CNOT4: variants seen among roughly 807,000 people sequenced by gnomAD.
CNOT4 encodes CCR4-associated factor 4.
In CNOT4, 8 loss-of-function variants were observed where a neutral mutation model predicts 73.8. The observed-to-expected ratio is 0.11, with a 90% CI of 0.06 to 0.20. The LOEUF is 0.20. Among genes scored for constraint, CNOT4 ranks in the 10% least tolerant of loss-of-function variants. The pLI, the probability that CNOT4 is intolerant of heterozygous loss-of-function variation, is 1.00. For missense variants in CNOT4, 564 were observed against 883.4 expected, an observed-to-expected ratio of 0.64 and a Z score of 4.58; for synonymous variants, 293 against 321.1, an observed-to-expected ratio of 0.91 and a Z score of 0.94.
Position 135,388,395 on chromosome 7 carries a change from C to T in CNOT4, c.1627+5523G>A, listed in dbSNP as rs145314263. 6.5e-5 allele frequency: 64 copies of T among 983,766 alleles called. No individual in the cohort carries two copies. In the East Asian group the frequency reaches 6.2e-3, roughly 96 times the overall value. 60.9% of individuals were successfully genotyped at this position (983,766 alleles called of 1,614,324 possible). ...CAATAGACATTATCTTGTTAATTTG[C>T]AAATTTTTCAGGAGATTAGGATATT... On this transcript the variant is annotated intron_variant, in intron 10 of 11. Transcript: ENST00000541284.
chr7:135,417,852 T>A (rs1180982910), intron 3 of CNOT4, among the ~76,000 whole-genome samples: 1 of 152,218 alleles, frequency 6.6e-6, no homozygotes, highest in African/African-American at 2.4e-5. Flanking sequence ...CAGAAGCATT[T>A]GTATAGTTGC....
intron 1 of CNOT4, among the ~76,000 whole-genome samples, chr7:135,486,726 C>A (rs1002942024): frequency 9.9e-5 from 15 of 152,078 alleles, no homozygotes; most frequent in Admixed American, 6.6e-5. Context: ...TAAAAAGGAA[C>A]AAAGAGTTAA....
At chr7:135,402,772 TG>T (rs1439313137) in intron 7 of CNOT4, among the ~76,000 whole-genome samples, 3 of 152,230 alleles carry the variant, frequency 2.0e-5, no homozygotes. Context: ...CTGACACAGC[TG>T]GGTCTCAGTT....
At chr7:135,401,286 T>G (rs1334736901) in intron 7 of CNOT4, among the ~76,000 whole-genome samples, 1 of 152,188 alleles carries the variant, frequency 6.6e-6, no homozygotes, top group East Asian at 1.9e-4. Context: ...ACCCATTATA[T>G]GCCAAGAGGG....
At chr7:135,412,286 C>T (rs1049072707) in intron 6 of CNOT4, among the ~76,000 whole-genome samples, 1 of 151,728 alleles carries the variant, frequency 6.6e-6, no homozygotes, top group Non-Finnish European at 1.5e-5. Context: ...CAAAGGACAG[C>T]CCATACATTT....
intron 10 of CNOT4, among the ~76,000 whole-genome samples, chr7:135,380,977 A>C (rs2129482905): frequency 6.6e-6 from 1 of 152,256 alleles, no homozygotes; most frequent in East Asian, 1.9e-4. Flanking sequence ...TAGCAGTGGG[A>C]CTGGAATTTG....
intron 10 of CNOT4, among the ~76,000 whole-genome samples, chr7:135,393,587 G>A (rs537919063): frequency 2.0e-5 from 3 of 151,848 alleles, no homozygotes; most frequent in South Asian, 4.2e-4. Context: ...TTTTCACCAC[G>A]GTGTTGGACT....
At chr7:135,497,471 T>C (rs1372525968) in intron 1 of CNOT4, among the ~76,000 whole-genome samples, 3 of 152,150 alleles carry the variant, frequency 2.0e-5, no homozygotes, top group Non-Finnish European at 2.9e-5. Context: ...TAAGTATTTA[T>C]TGAGCATCTA....
At position 135,371,941 on chromosome 7, in the gene CNOT4, A is replaced by G. The variant is rs3812272; in HGVS notation, c.1628-7875T>C. 2.2e-3 allele frequency among the ~76,000 whole-genome samples: 339 copies of G among 152,298 alleles called. 12 individuals are homozygous for G. The East Asian group carries it at 0.054, about 24-fold the overall frequency. ...GCAGCAGCCTGGAGGGAAGCATTTAAGTGAGCACAAAACTGAGCAGTGACC... is the reference window on the plus strand; with the variant it reads ...GCAGCAGCCTGGAGGGAAGCATTTAGGTGAGCACAAAACTGAGCAGTGACC... On this transcript the variant is annotated intron_variant, in intron 10 of 11. Coordinates refer to ENST00000541284, the MANE Select transcript of CNOT4 (RefSeq NM_001190850.2).
chr7:135,375,738 CATAGAGAA>C (rs2129482724), intron 10 of CNOT4, among the ~76,000 whole-genome samples: 1 of 152,228 alleles, frequency 6.6e-6, no homozygotes, highest in African/African-American at 2.4e-5. Context: ...GCCTGGCCAA[CATAGAGAA>C]ACCCCGTCTC....
In CNOT4 at chr7:135,394,076, C is replaced by T. The variant is rs1796545780; in HGVS notation, c.1469G>A (p.Ser490Asn). ...QQHRAVYNSF[S>N]FPGQAARYPW... ...ATAGCGGGCTGCCTGGCCTGGAAAA[C>T]TGAATGAATTATAAACCGCTCGGTG... is the stretch of plus-strand genomic sequence containing the variant. The change falls in exon 10 of 12, where the codon AGT becomes AAT. Residue 490 changes from serine (S) to asparagine (N), a missense_variant. Ser to Asn is a conservative substitution (Grantham distance 46). Transcript: ENST00000541284. 2.5e-6 allele frequency: 4 copies of T among 1,614,160 alleles called. No individual in the cohort carries two copies. The highest frequency in any genetic ancestry group is 8.5e-7 in the Non-Finnish European group (1 of 1,180,022).
At chr7:135,475,270 A>G (rs1417576838) in intron 1 of CNOT4, among the ~76,000 whole-genome samples, 1 of 152,238 alleles carries the variant, frequency 6.6e-6, no homozygotes, top group Non-Finnish European at 1.5e-5. Flanking sequence ...GAAGAAACAT[A>G]TAAAACACAA....
intron 7 of CNOT4, among the ~76,000 whole-genome samples, chr7:135,405,182 G>A (rs1031493055): frequency 3.3e-5 from 5 of 152,086 alleles, no homozygotes; most frequent in East Asian, 1.9e-4. Flanking sequence ...TTTTTTACCC[G>A]TAGTAAGAAA....
At chr7:135,482,908 C>T (rs1802474093) in intron 1 of CNOT4, among the ~76,000 whole-genome samples, 1 of 149,002 alleles carries the variant, frequency 6.7e-6, no homozygotes, top group Non-Finnish European at 1.5e-5. Context: ...ATCTCCTGAG[C>T]CTGGGAAGTG....
intron 1 of CNOT4, among the ~76,000 whole-genome samples, chr7:135,482,986 CAAAAAAAAA>C (rs36125617): frequency 2.3e-5 from 1 of 43,502 alleles, no homozygotes; most frequent in African/African-American, 9.8e-5. Context: ...GACTCCATAT[CAAAAAAAAA>C]AAAAAAAAAA....
At chr7:135,395,460 T>C (rs1796626306) in intron 9 of CNOT4, among the ~76,000 whole-genome samples, 174 bp downstream of exon 9, 1 of 152,218 alleles carries the variant, frequency 6.6e-6, no homozygotes, top group South Asian at 2.1e-4. Context: ...AATTTCTAGG[T>C]CACACAACAA....
intron 1 of CNOT4, among the ~76,000 whole-genome samples, chr7:135,467,243 C>T (rs1416982709): frequency 2.0e-5 from 3 of 152,174 alleles, no homozygotes; most frequent in Non-Finnish European, 4.4e-5. Flanking sequence ...GTCACCTTCA[C>T]TCTGTTTACA....
chr7:135,376,239 A>G (rs1795512053), intron 10 of CNOT4, among the ~76,000 whole-genome samples: 1 of 152,170 alleles, frequency 6.6e-6, no homozygotes, highest in East Asian at 1.9e-4. Context: ...CACCACTCTC[A>G]ACCATCAATT....
chr7:135,509,784 T>A (rs866441674), intron 1 of CNOT4, 105 bp downstream of exon 1: 2 of 252,950 alleles, frequency 7.9e-6, no homozygotes, highest in Non-Finnish European at 6.5e-6. Flanking sequence ...AGGCGGGGGG[T>A]GGGGAGAAAG....
Sources: gnomAD v4.1 joint callset for allele counts (sites outside exome capture counted in the v4.1 genomes callset) on GRCh38, gnomAD v4.1.1 for gene constraint, MANE v1.5 for transcripts, NCBI Gene and HGNC (gene_info 2026-07-23, HGNC 2026-07-21) for gene names.